TES: variants seen among roughly 807,000 people sequenced by gnomAD.
TES encodes the protein testin LIM domain protein.
Under a neutral mutation model 48.2 loss-of-function variants are expected in TES, and 41 were observed. The observed-to-expected ratio is 0.85, with a 90% CI of 0.66 to 1.10. TES has a LOEUF of 1.10. Ranked by LOEUF, TES falls within the 50% of genes least tolerant of loss-of-function variation. The pLI is 0.00. For synonymous variants in TES, 162 were observed against 174.9 expected (o/e 0.93, Z 0.58); for missense variants, 463 against 515.1 (o/e 0.90, Z 0.98).
intron 1 of TES, among the ~76,000 whole-genome samples, chr7:116,230,680 G>C (rs1563008265): frequency 1.3e-5 from 2 of 152,170 alleles, no homozygotes; most frequent in Non-Finnish European, 2.9e-5. Flanking sequence ...TGCTTCAAGA[G>C]GTTTAGTTTC....
intron 2 of TES, among the ~76,000 whole-genome samples, chr7:116,240,444 G>C (rs1048576946): frequency 6.6e-6 from 1 of 151,664 alleles, no homozygotes; most frequent in Non-Finnish European, 1.5e-5. Context: ...GCTCTCCCAG[G>C]CTCGCTCTTT....
intron 4 of TES, among the ~76,000 whole-genome samples, chr7:116,250,791 A>G (rs1465683940): frequency 2.0e-5 from 3 of 152,204 alleles, no homozygotes; most frequent in African/African-American, 7.2e-5. Context: ...TTATTATTCT[A>G]TAGTCTGTTT....
intron 1 of TES, among the ~76,000 whole-genome samples, chr7:116,220,806 G>A (rs1311737125): frequency 2.0e-5 from 3 of 152,126 alleles, no homozygotes; most frequent in Non-Finnish European, 4.4e-5. Flanking sequence ...GTAAACCTTA[G>A]TATCCTCATC....
chr7:116,224,395 G>C (rs764012010), intron 1 of TES, among the ~76,000 whole-genome samples: 3 of 152,240 alleles, frequency 2.0e-5, no homozygotes, highest in Admixed American at 6.5e-5. Context: ...ATGATATTTT[G>C]CTTCATTGCC....
At chr7:116,221,977 A>G (rs1460759084) in intron 1 of TES, among the ~76,000 whole-genome samples, 1 of 152,204 alleles carries the variant, frequency 6.6e-6, no homozygotes, top group East Asian at 1.9e-4. Context: ...AAAGTATGGT[A>G]ATCCAAACCA....
chr7:116,222,527 C>G (rs1799568808), intron 1 of TES, among the ~76,000 whole-genome samples: 1 of 152,178 alleles, frequency 6.6e-6, no homozygotes, highest in Non-Finnish European at 1.5e-5. Context: ...AGTCAATCTA[C>G]TCATCCCCTC....
intron 1 of TES, among the ~76,000 whole-genome samples, chr7:116,233,550 C>T (rs936513637): frequency 8.5e-5 from 13 of 152,134 alleles, no homozygotes; most frequent in Admixed American, 2.0e-4. Context: ...TTCATAGTCT[C>T]TGAGTTTCAG....
intron 2 of TES, chr7:116,237,933 G>GACA (rs1799795142): frequency 6.6e-6 from 1 of 152,116 alleles, no homozygotes; most frequent in African/African-American, 2.4e-5. Context: ...TTCACCTTGT[G>GACA]ACATCTTTTA....
intron 1 of TES, among the ~76,000 whole-genome samples, chr7:116,215,666 C>T (rs1170374265): frequency 6.6e-6 from 1 of 152,146 alleles, no homozygotes; most frequent in Non-Finnish European, 1.5e-5. Flanking sequence ...CCCTAGGTAA[C>T]AGTGACCCTG....
chr7:116,236,678 TATC>T (rs1436426494), intron 2 of TES, among the ~76,000 whole-genome samples: 2 of 152,210 alleles, frequency 1.3e-5, no homozygotes, highest in East Asian at 3.8e-4. Context: ...TCCTAAGAGA[TATC>T]ATCTTTTCTC....
intron 2 of TES, among the ~76,000 whole-genome samples, chr7:116,245,478 A>G (rs935973645): frequency 6.6e-6 from 1 of 152,082 alleles, no homozygotes; most frequent in Non-Finnish European, 1.5e-5. Context: ...CCATATCACT[A>G]TCAGCATTTT....
chr7:116,232,666 C>G lies in TES; in HGVS notation c.28-1868C>G, dbSNP rs76106857. Among the ~76,000 whole-genome samples the G allele has an allele frequency of 6.5e-3, 982 of 152,180 alleles. 15 individuals are homozygous for G. The highest frequency in any genetic ancestry group is 0.023 in the African/African-American group (950 of 41,522). Reference sequence around the variant, plus strand: ...AGTTTCCCTCTGTCTTTTGTTTAACCTACATTATTTCCATACTGTGTGAAC... The same window carrying G: ...AGTTTCCCTCTGTCTTTTGTTTAACGTACATTATTTCCATACTGTGTGAAC... On this transcript the variant is annotated intron_variant, in intron 1 of 6. Coordinates refer to ENST00000358204, the MANE Select transcript of TES (RefSeq NM_015641.4).
intron 1 of TES, among the ~76,000 whole-genome samples, chr7:116,219,909 G>T (rs1369763237): frequency 6.6e-6 from 1 of 151,942 alleles, no homozygotes; most frequent in Non-Finnish European, 1.5e-5. Flanking sequence ...AGTTAACTTT[G>T]CAGTATCCCT....
At chr7:116,235,814 T>A (rs759475464) in intron 2 of TES, among the ~76,000 whole-genome samples, 3 of 152,228 alleles carry the variant, frequency 2.0e-5, no homozygotes, top group Admixed American at 1.3e-4. Flanking sequence ...CTCTTGGAGA[T>A]GTGTACAGTG....
intron 1 of TES, among the ~76,000 whole-genome samples, chr7:116,222,058 A>G (rs1252463673): frequency 6.6e-6 from 1 of 152,168 alleles, no homozygotes; most frequent in Non-Finnish European, 1.5e-5. Flanking sequence ...ATGCAGCACA[A>G]CATATCAATA....
chr7:116,219,868 T>C (rs752286262), intron 1 of TES, among the ~76,000 whole-genome samples: 1 of 152,150 alleles, frequency 6.6e-6, no homozygotes, highest in Non-Finnish European at 1.5e-5. Context: ...AGCAGAGTAG[T>C]TTTTGGTCAT....
At chr7:116,253,373 C>T (rs1362258587) in intron 6 of TES, among the ~76,000 whole-genome samples, 1 of 152,188 alleles carries the variant, frequency 6.6e-6, no homozygotes, top group Non-Finnish European at 1.5e-5. Flanking sequence ...AACTGTGCCT[C>T]ACCAATATAT....
chr7:116,239,471 CAA>C (rs1799815354), intron 2 of TES, among the ~76,000 whole-genome samples: 1 of 152,154 alleles, frequency 6.6e-6, no homozygotes, highest in African/African-American at 2.4e-5. Context: ...TATGAGAAAT[CAA>C]AGACGTAGGA....
chr7:116,216,953 A>T (rs895152715), intron 1 of TES, among the ~76,000 whole-genome samples: 17 of 151,632 alleles, frequency 1.1e-4, no homozygotes, highest in African/African-American at 3.4e-4. Flanking sequence ...TTAAAAGATT[A>T]AAAAAAAACT....
Sources: allele counts gnomAD v4.1 joint callset (sites outside exome capture counted in the v4.1 genomes callset), GRCh38; gene constraint gnomAD v4.1.1; transcripts MANE v1.5; gene names NCBI Gene and HGNC (gene_info 2026-07-23, HGNC 2026-07-21).